MALRD1: variants seen among roughly 807,000 people sequenced by gnomAD.
The protein encoded by MALRD1 is MAM and LDL receptor class A domain containing 1.
In MALRD1, 247 loss-of-function variants were observed where a neutral mutation model predicts 242.1. The ratio of observed to expected loss-of-function variants is 1.02; its 90% CI spans 0.92 to 1.13. The LOEUF (loss-of-function observed/expected upper bound fraction) is 1.13. Among genes scored for constraint, MALRD1 ranks in the 50% most tolerant of loss-of-function variants. MALRD1 has a pLI of 0.00. For synonymous variants in MALRD1, 995 were observed against 866.6 expected (o/e 1.15, Z -2.60); for missense variants, 2,989 against 2,533.1 (o/e 1.18, Z -3.86).
At chr10:19,573,844 A>T (rs967359175) in intron 33 of MALRD1, among the ~76,000 whole-genome samples, 1 of 152,300 alleles carries the variant, frequency 6.6e-6, no homozygotes, top group South Asian at 2.1e-4. Context: ...AGGTGCTACA[A>T]CATGTTCAAA....
intron 9 of MALRD1, among the ~76,000 whole-genome samples, chr10:19,135,482 A>T (rs537091732): frequency 2.6e-5 from 4 of 152,154 alleles, no homozygotes; most frequent in African/African-American, 9.7e-5. Context: ...AAGAAAATCT[A>T]TTCAGAAACT....
intron 19 of MALRD1, among the ~76,000 whole-genome samples, chr10:19,268,134 C>T (rs951519291): frequency 6.6e-6 from 1 of 152,128 alleles, no homozygotes. Flanking sequence ...CTACTTCAGT[C>T]ATTTGTAGTC....
intron 11 of MALRD1, among the ~76,000 whole-genome samples, chr10:19,154,455 A>G (rs1269225393): frequency 6.6e-6 from 1 of 152,170 alleles, no homozygotes; most frequent in East Asian, 1.9e-4. Context: ...TAAGTCTTCA[A>G]TATTCAGTGA....
intron 14 of MALRD1, among the ~76,000 whole-genome samples, chr10:19,176,061 T>G (rs1835218068): frequency 6.6e-6 from 1 of 152,124 alleles, no homozygotes; most frequent in African/African-American, 2.4e-5. Flanking sequence ...ACTCCTACCC[T>G]CAGATCTCAA....
intron 18 of MALRD1, among the ~76,000 whole-genome samples, chr10:19,239,482 C>T (rs959418470): frequency 4.6e-5 from 7 of 152,112 alleles, no homozygotes; most frequent in African/African-American, 1.4e-4. Flanking sequence ...CTTTGCTGTG[C>T]AAAAGCATTT....
chr10:19,242,881 C>T (rs1215022117), intron 18 of MALRD1, among the ~76,000 whole-genome samples: 1 of 151,954 alleles, frequency 6.6e-6, no homozygotes, highest in Non-Finnish European at 1.5e-5. Context: ...ATCCATTCAT[C>T]CACTTTATAT....
intron 31 of MALRD1, among the ~76,000 whole-genome samples, chr10:19,521,085 A>C (rs187626382): frequency 2.0e-5 from 3 of 152,300 alleles, no homozygotes; most frequent in African/African-American, 7.2e-5. Context: ...CATGTGAATG[A>C]ATCAGTTCAT....
chr10:19,607,883 T>C lies in MALRD1; in HGVS notation c.6051T>C (p.Leu2017=). 1 of 1,549,766 alleles carries C rather than the reference T, an allele frequency of 6.5e-7. No individual in the cohort carries two copies. The highest frequency in any genetic ancestry group is 8.7e-7 in the Non-Finnish European group (1 of 1,146,460). Residue 2017 remains leucine, a synonymous_variant, in exon 35 of 40, where the codon CTT becomes CTC. Coordinates refer to ENST00000454679, the MANE Select transcript of MALRD1 (RefSeq NM_001142308.3). ...TTGCCGACTGCATGGATTTCCAGCT[T>C]GATGAGTCCAGCTGCTCCGGTACCC... ...DGFADCMDFQ[L]DESSCSECPL...
intron 29 of MALRD1, among the ~76,000 whole-genome samples, chr10:19,465,209 CTT>C (rs1216900035): frequency 4.6e-5 from 7 of 152,050 alleles, no homozygotes; most frequent in African/African-American, 1.7e-4. Context: ...ATTTCTTTCT[CTT>C]GTCTGAATGC....
intron 33 of MALRD1, among the ~76,000 whole-genome samples, chr10:19,579,170 T>C (rs1433211292): frequency 6.6e-6 from 1 of 152,186 alleles, no homozygotes; most frequent in Non-Finnish European, 1.5e-5. Flanking sequence ...AGTTATGGTA[T>C]CACAGCCACT....
intron 19 of MALRD1, among the ~76,000 whole-genome samples, chr10:19,269,892 G>A (rs1840131103): frequency 1.3e-5 from 2 of 152,192 alleles, no homozygotes; most frequent in Admixed American, 1.3e-4. Flanking sequence ...AGATAAAAAT[G>A]AATTGTCTCT....
At chr10:19,650,178 C>A (rs918622107) in intron 36 of MALRD1, among the ~76,000 whole-genome samples, 1 of 152,056 alleles carries the variant, frequency 6.6e-6, no homozygotes, top group Non-Finnish European at 1.5e-5. Flanking sequence ...TTACAGATGG[C>A]AGAATAAAGA....
At chr10:19,491,238 G>T (rs1837480539) in intron 29 of MALRD1, 4 of 658,544 alleles carry the variant, frequency 6.1e-6, no homozygotes, top group Non-Finnish European at 1.0e-5. Context: ...GTAGTTGTGG[G>T]CCACAAATTT....
intron 34 of MALRD1, chr10:19,598,488 G>GA (rs1385957373): frequency 2.0e-5 from 3 of 150,488 alleles, no homozygotes; most frequent in African/African-American, 7.3e-5. Flanking sequence ...AAAAAAAAAA[G>GA]AAGGACTTCC....
intron 5 of MALRD1, among the ~76,000 whole-genome samples, chr10:19,110,231 CG>C (rs1836629361): frequency 6.6e-6 from 1 of 152,098 alleles, no homozygotes; most frequent in African/African-American, 2.4e-5. Context: ...CACTCCAGTC[CG>C]TGCTTGGGTT....
In MALRD1 at chr10:19,384,747, C is replaced by T. The variant is rs188215715; in HGVS notation, c.4442-2781C>T. ...CATTTATTCTTTTTATATTTGAATGCTTCATTTTTTTCTTTTTCTTACCTA... is the reference window on the plus strand; with the variant it reads ...CATTTATTCTTTTTATATTTGAATGTTTCATTTTTTTCTTTTTCTTACCTA... On this transcript the variant is annotated intron_variant, in intron 26 of 39. Transcript: ENST00000454679. 4.0e-3 allele frequency among the ~76,000 whole-genome samples: 571 copies of T among 142,110 alleles called. 5 individuals are homozygous for T. Among genetic ancestry groups the T allele is most frequent in the African/African-American group, 0.014 (553 of 38,676 alleles). The allele number at this position is 142,110 out of a possible 152,430, so 93.2% of individuals were successfully genotyped here. A position where few individuals can be genotyped will look rare whatever the true frequency, so the allele number is the denominator to read the frequency against.
chr10:19,369,151 ATATAAACTAATAT>A (rs1041611369), intron 26 of MALRD1, among the ~76,000 whole-genome samples: 8 of 130,298 alleles, frequency 6.1e-5, no homozygotes, highest in South Asian at 2.3e-4. Flanking sequence ...TTAATATTAT[ATATAAACTAATAT>A]TTATATATAA....
intron 11 of MALRD1, among the ~76,000 whole-genome samples, chr10:19,151,779 T>TG (rs1472387925): frequency 6.6e-6 from 1 of 152,214 alleles, no homozygotes; most frequent in African/African-American, 2.4e-5. Flanking sequence ...TATTATGATA[T>TG]GATTGTCAGA....
chr10:19,458,699 A>T (rs557805378), intron 29 of MALRD1, among the ~76,000 whole-genome samples: 18 of 152,254 alleles, frequency 1.2e-4, no homozygotes, highest in African/African-American at 4.3e-4. Context: ...TCCAGTTGAA[A>T]TATTTAAAAT....
Sources: gnomAD v4.1 joint callset for allele counts (sites outside exome capture counted in the v4.1 genomes callset) on GRCh38, gnomAD v4.1.1 for gene constraint, MANE v1.5 for transcripts, NCBI Gene and HGNC (gene_info 2026-07-23, HGNC 2026-07-21) for gene names.